CRB1: variants seen among roughly 807,000 people sequenced by gnomAD.
CRB1 encodes the protein protein crumbs homolog 1.
Under a neutral mutation model 120.0 loss-of-function variants are expected in CRB1, and 83 were observed. That is an observed-to-expected ratio of 0.69 (90% confidence interval 0.58 to 0.83). The LOEUF is 0.83. CRB1 is among the 40% of genes least tolerant of loss of function. CRB1 has a pLI of 0.00. For missense variants in CRB1, 1,699 were observed against 1,687.6 expected (o/e 1.01, Z -0.12); for synonymous variants, 625 against 612.5 (o/e 1.02, Z -0.30).
the CRB1 span, among the ~76,000 whole-genome samples, chr1:197,248,888 C>T: frequency 6.6e-6 from 1 of 151,884 alleles, no homozygotes; most frequent in African/African-American, 2.4e-5. Flanking sequence ...GATCATGAAA[C>T]TTTTATTTCT....
chr1:197,374,029 G>A (rs1468020411), intron 5 of CRB1, among the ~76,000 whole-genome samples: 1 of 152,146 alleles, frequency 6.6e-6, no homozygotes, highest in Non-Finnish European at 1.5e-5. Flanking sequence ...CTTGTAATGT[G>A]GCCTCCTTTA....
At chr1:197,378,821 C>T (rs1661786091) in intron 5 of CRB1, among the ~76,000 whole-genome samples, 2 of 152,144 alleles carry the variant, frequency 1.3e-5, no homozygotes, top group South Asian at 4.1e-4. Context: ...TGAAGTATCA[C>T]ACACAGATAA....
At chr1:197,468,992 C>T (rs1270144386) in intron 11 of CRB1, among the ~76,000 whole-genome samples, 1 of 152,120 alleles carries the variant, frequency 6.6e-6, no homozygotes, top group Non-Finnish European at 1.5e-5. Context: ...ACCCCCCGGC[C>T]CCGGCACTAG....
At chr1:197,342,313 T>C (rs1177702481) in intron 2 of CRB1, among the ~76,000 whole-genome samples, 3 of 152,150 alleles carry the variant, frequency 2.0e-5, no homozygotes, top group African/African-American at 7.2e-5. Flanking sequence ...CCATACTCTC[T>C]CTCACTCCTT....
intron 5 of CRB1, among the ~76,000 whole-genome samples, chr1:197,394,003 T>C (rs1354707854): frequency 6.6e-6 from 1 of 152,150 alleles, no homozygotes; most frequent in Non-Finnish European, 1.5e-5. Flanking sequence ...CCACAAAATT[T>C]ATAGCGGTTT....
chr1:197,410,621 T>C (rs547048338), intron 5 of CRB1, among the ~76,000 whole-genome samples: 9 of 152,332 alleles, frequency 5.9e-5, no homozygotes, highest in African/African-American at 2.2e-4. Flanking sequence ...TTACAGATTT[T>C]TTAAACTGTG....
intron 5 of CRB1, chr1:197,357,691 C>T (rs891439696): frequency 6.5e-6 from 1 of 153,412 alleles, no homozygotes; most frequent in African/African-American, 2.4e-5. Flanking sequence ...ATATTTCTTT[C>T]TCAATAGATT....
At chr1:197,237,495 CT>C in the CRB1 span, among the ~76,000 whole-genome samples, 1 of 152,168 alleles carries the variant, frequency 6.6e-6, no homozygotes. Flanking sequence ...AATATTATTA[CT>C]GTAGGTATTC....
At chr1:197,433,641 C>T (rs548569101) in intron 8 of CRB1, among the ~76,000 whole-genome samples, 4 of 151,950 alleles carry the variant, frequency 2.6e-5, no homozygotes, top group East Asian at 3.9e-4. Context: ...GATACTGTTT[C>T]GTGTGTATTT....
At chr1:197,467,192 AT>A (rs1666787078) in intron 11 of CRB1, among the ~76,000 whole-genome samples, 1 of 152,188 alleles carries the variant, frequency 6.6e-6, no homozygotes, top group African/African-American at 2.4e-5. Flanking sequence ...CTTTTCCAAC[AT>A]TTTGCTTGGA....
intron 5 of CRB1, among the ~76,000 whole-genome samples, chr1:197,405,794 C>A (rs1464344149): frequency 6.6e-6 from 1 of 151,280 alleles, no homozygotes; most frequent in Admixed American, 6.6e-5. Flanking sequence ...GGAGCCCCTC[C>A]GCCCGGTAGC....
intron 1 of CRB1, among the ~76,000 whole-genome samples, chr1:197,320,542 G>A (rs567639633): frequency 6.6e-6 from 1 of 152,198 alleles, no homozygotes; most frequent in South Asian, 2.1e-4. Flanking sequence ...AAAGATCAAG[G>A]GGAATTTATG....
chr1:197,414,318 T>A lies in CRB1; in HGVS notation c.1172-6682T>A, dbSNP rs1571505796. Among the ~76,000 whole-genome samples, 4 of 152,256 alleles carry A rather than the reference T, an allele frequency of 2.6e-5. No individual in the cohort carries two copies. The South Asian group carries it at 8.3e-4, about 32-fold the overall frequency. On this transcript the variant is annotated intron_variant, in intron 5 of 11. Coordinates refer to ENST00000367400, the MANE Select transcript of CRB1 (RefSeq NM_201253.3). ...TAGGGTAAATTATATAACTTCATAT[T>A]AGATATTTCATTAACCATGGCTTCA...
At chr1:197,449,591 C>G (rs1390296174) in intron 11 of CRB1, among the ~76,000 whole-genome samples, 1 of 152,114 alleles carries the variant, frequency 6.6e-6, no homozygotes, top group African/African-American at 2.4e-5. Flanking sequence ...TGGTCTCGAT[C>G]TCCTGACCTC....
At position 197,427,686 on chromosome 1, in the gene CRB1, T is replaced by G; in HGVS notation, c.2361T>G (p.Val787=). Residue 787 remains valine (V), a synonymous_variant, in exon 7 of 12, where the codon GTT becomes GTG. Coordinates refer to ENST00000367400, the MANE Select transcript of CRB1 (RefSeq NM_201253.3). ...PNSPKLVVKF[V]LNDGNVHLIS... is the part of the protein sequence containing the mutation. The stretch of plus-strand genomic sequence containing the variant: ...CTCCCAAATTAGTAGTAAAATTTGT[T>G]CTTAATGATGGAAATGTCCACTTGA... 1.9e-6 allele frequency: 3 copies of G among 1,613,900 alleles called. No individual in the cohort carries two copies. Among genetic ancestry groups the G allele is most frequent in the Non-Finnish European group, 2.5e-6 (3 of 1,179,894 alleles).
In CRB1 at chr1:197,357,032, G is replaced by T; in HGVS notation, c.1171+19G>T. 6.2e-7 allele frequency: 1 copy of T among 1,613,128 alleles called. No individual in the cohort carries two copies. Among genetic ancestry groups the T allele is most frequent in the East Asian group, 2.2e-5 (1 of 44,870 alleles). On this transcript the variant is annotated intron_variant, in intron 5 of 11. Transcript: ENST00000367400. ...TTCACAGGTGAGGCCAAGGAGATGG[G>T]ATATGACTTGACTTTCTGGTATTTT...
chr1:197,417,037 G>A (rs1664042465), intron 5 of CRB1, among the ~76,000 whole-genome samples: 1 of 152,202 alleles, frequency 6.6e-6, no homozygotes, highest in South Asian at 2.1e-4. Context: ...AGGGATGTGT[G>A]AAAATTCTTC....
intron 8 of CRB1, among the ~76,000 whole-genome samples, chr1:197,430,541 T>C (rs1302279117): frequency 6.6e-6 from 1 of 152,112 alleles, no homozygotes. Flanking sequence ...CTCACTCCAT[T>C]CTCTCTTTTG....
chr1:197,273,054 C>T lies in CRB1; in HGVS notation c.70+4572C>T, dbSNP rs76731734. Among the ~76,000 whole-genome samples, 1,075 of 151,766 alleles carry T rather than the reference C, an allele frequency of 7.1e-3. 15 individuals carry two copies. Among genetic ancestry groups the T allele is most frequent in the African/African-American group, 0.022 (928 of 41,472 alleles). The stretch of plus-strand genomic sequence containing the variant: ...TTTATGTACATTTCCTTAGATATTA[C>T]CTGACATGCTTTCCCTGTTCTAGTA... On this transcript the variant is annotated intron_variant, in intron 1 of 11. Coordinates refer to ENST00000367400, the MANE Select transcript of CRB1 (RefSeq NM_201253.3).
Sources: gnomAD v4.1 joint callset for allele counts (sites outside exome capture counted in the v4.1 genomes callset) on GRCh38, gnomAD v4.1.1 for gene constraint, MANE v1.5 for transcripts, NCBI Gene and HGNC (gene_info 2026-07-23, HGNC 2026-07-21) for gene names.